LDB2: variants seen among roughly 807,000 people sequenced by gnomAD.
LDB2 encodes the protein LIM domain-binding protein 2.
LDB2 carries 12 observed loss-of-function variants against 44.3 expected under a neutral mutation model. That is an observed-to-expected ratio of 0.27 (90% CI 0.17 to 0.44). The LOEUF (loss-of-function observed/expected upper bound fraction) is 0.44. Ranked by LOEUF, LDB2 falls within the 20% of genes least tolerant of loss-of-function variation. The pLI is 1.00. For synonymous variants in LDB2, 164 were observed against 174.8 expected (o/e 0.94, Z 0.49); for missense variants, 344 against 473.5 (o/e 0.73, Z 2.54).
chr4:16,611,972 C>A (rs1725763604), intron 2 of LDB2, among the ~76,000 whole-genome samples: 1 of 152,114 alleles, frequency 6.6e-6, no homozygotes, highest in Non-Finnish European at 1.5e-5. Context: ...AAGTAAAACA[C>A]TCCTCAGCAA....
intron 1 of LDB2, among the ~76,000 whole-genome samples, chr4:16,805,235 A>T (rs961128860): frequency 2.0e-5 from 3 of 152,270 alleles, no homozygotes; most frequent in Admixed American, 1.3e-4. Context: ...CACATTAGGG[A>T]TTGGGACATC....
chr4:16,683,823 C>T (rs896624465), intron 2 of LDB2, among the ~76,000 whole-genome samples: 2 of 152,214 alleles, frequency 1.3e-5, no homozygotes, highest in South Asian at 4.1e-4. Context: ...AGGAAGCTTA[C>T]CTTGCAGGGA....
At chr4:16,888,647 A>G in intron 1 of LDB2, 1 of 858,654 alleles carries the variant, frequency 1.2e-6, no homozygotes, top group Non-Finnish European at 1.4e-6. Context: ...ACTTTTAAGA[A>G]ATGAAGCAAT....
At chr4:16,742,360 G>A (rs1421350283) in intron 2 of LDB2, among the ~76,000 whole-genome samples, 10 of 152,092 alleles carry the variant, frequency 6.6e-5, no homozygotes, top group African/African-American at 1.4e-4. Flanking sequence ...CTTAGCCACC[G>A]CGCCCAGCCA....
In LDB2 at chr4:16,723,055, C is replaced by T. The variant is rs184409263; in HGVS notation, c.235+36103G>A. Among the ~76,000 whole-genome samples, 22 of 152,298 alleles carry T rather than the reference C, an allele frequency of 1.4e-4. 1 individual carries two copies. The highest frequency in any genetic ancestry group is 1.4e-3 in the Admixed American group (21 of 15,286). ...GATGGGTTTTCCGGATGTAACTCCA[C>T]AGTAAGTTAAGGAGCATCTGTACTG... On this transcript the variant is annotated intron_variant, in intron 2 of 7. Coordinates refer to ENST00000304523, the MANE Select transcript of LDB2 (RefSeq NM_001290.5).
At chr4:16,772,983 G>A (rs1047221083) in intron 1 of LDB2, among the ~76,000 whole-genome samples, 4 of 152,194 alleles carry the variant, frequency 2.6e-5, no homozygotes, top group Admixed American at 6.5e-5. Context: ...TGGTAGATAC[G>A]GCATTGCCGG....
chr4:16,800,532 G>A (rs983764892), intron 1 of LDB2, among the ~76,000 whole-genome samples: 6 of 151,974 alleles, frequency 3.9e-5, no homozygotes, highest in Admixed American at 1.3e-4. Context: ...ACAATCATCC[G>A]TTGACAGTTT....
At chr4:16,751,199 A>G (rs911358297) in intron 2 of LDB2, among the ~76,000 whole-genome samples, 1 of 152,172 alleles carries the variant, frequency 6.6e-6, no homozygotes, top group Non-Finnish European at 1.5e-5. Context: ...ACGTTTGACA[A>G]TTGTAACCCC....
intron 1 of LDB2, among the ~76,000 whole-genome samples, chr4:16,795,281 C>T (rs1305824073): frequency 6.6e-6 from 1 of 152,090 alleles, no homozygotes; most frequent in Non-Finnish European, 1.5e-5. Context: ...GTGGTGGAGA[C>T]GGCAGTTAAA....
At chr4:16,776,633 A>G (rs116171663) in intron 1 of LDB2, among the ~76,000 whole-genome samples, 2,714 of 152,338 alleles carry the variant, frequency 0.018, 78 homozygotes, top group African/African-American at 0.062. Context: ...GTAGTGAACA[A>G]AAAAGACACA....
At chr4:16,732,493 T>G (rs1269652948) in intron 2 of LDB2, among the ~76,000 whole-genome samples, 1 of 152,190 alleles carries the variant, frequency 6.6e-6, no homozygotes, top group Admixed American at 6.5e-5. Context: ...TCACAGTGGC[T>G]CAGTCTACTG....
intron 2 of LDB2, among the ~76,000 whole-genome samples, chr4:16,613,043 TCAACATATG>T (rs140663341): frequency 0.35 from 53,694 of 151,566 alleles, 9,803 homozygotes; most frequent in East Asian, 0.57. Context: ...CAAGGCTGAT[TCAACATATG>T]CAACATATGC....
In LDB2 at chr4:16,898,335, C is replaced by T. The variant is rs774361493; in HGVS notation, c.132+19G>A. 3.7e-6 allele frequency: 6 copies of T among 1,608,186 alleles called. No individual in the cohort carries two copies. In the South Asian group the frequency reaches 6.6e-5, roughly 18 times the overall value. On this transcript the variant is annotated intron_variant, in intron 1 of 7. Transcript: ENST00000304523. Reference sequence around the variant, plus strand: ...TTAACAAAAATACACAAACACATCCCCAAGGTTGAAGTACTTACCTCTGTG... The same window carrying T: ...TTAACAAAAATACACAAACACATCCTCAAGGTTGAAGTACTTACCTCTGTG...
intron 2 of LDB2, among the ~76,000 whole-genome samples, chr4:16,706,016 G>T (rs1443789958): frequency 6.6e-6 from 1 of 151,986 alleles, no homozygotes; most frequent in Non-Finnish European, 1.5e-5. Flanking sequence ...ATAGCCCAGA[G>T]GCTAGTTTTC....
At chr4:16,576,940 A>G (rs1711878774) in intron 5 of LDB2, among the ~76,000 whole-genome samples, 1 of 152,228 alleles carries the variant, frequency 6.6e-6, no homozygotes, top group African/African-American at 2.4e-5. Flanking sequence ...ATGCAAATCA[A>G]TCAATATGAT....
chr4:16,603,020 T>C (rs771854638), intron 2 of LDB2, among the ~76,000 whole-genome samples: 2 of 152,212 alleles, frequency 1.3e-5, no homozygotes, highest in East Asian at 1.9e-4. Flanking sequence ...TCTCATTTAA[T>C]TGAACCCATT....
chr4:16,711,329 C>A (rs896071421), intron 2 of LDB2, among the ~76,000 whole-genome samples: 8 of 152,174 alleles, frequency 5.3e-5, no homozygotes, highest in African/African-American at 1.9e-4. Flanking sequence ...CTGAGCTTGG[C>A]CCCAGGACAC....
At chr4:16,738,804 C>T (rs987076484) in intron 2 of LDB2, among the ~76,000 whole-genome samples, 5 of 152,168 alleles carry the variant, frequency 3.3e-5, no homozygotes, top group African/African-American at 1.2e-4. Context: ...CATTTGCAGT[C>T]CCATATTGAA....
rs552942317 is a variant in LDB2 at position 16,703,346 on chromosome 4, T to C, written c.235+55812A>G. 1.6e-4 allele frequency among the ~76,000 whole-genome samples: 24 copies of C among 152,274 alleles called. No homozygotes were observed. The East Asian group carries it at 4.6e-3, about 29-fold the overall frequency. ...GCAGAATGTTCCAGGTAGAAGAAAT[T>C]ATGCAAAGATGCGAAGGCAGGAATG... On this transcript the variant is annotated intron_variant, in intron 2 of 7. Transcript: ENST00000304523.
Sources: gnomAD v4.1 joint callset for allele counts (sites outside exome capture counted in the v4.1 genomes callset) on GRCh38, gnomAD v4.1.1 for gene constraint, MANE v1.5 for transcripts, NCBI Gene and HGNC (gene_info 2026-07-23, HGNC 2026-07-21) for gene names.